Variants in UGT1A7 observed in about 807,000 individuals in gnomAD.
The protein encoded by UGT1A7 is UDP-glucuronosyltransferase 1A7.
A neutral mutation model predicts 45.6 loss-of-function variants in UGT1A7; 33 were observed. The observed-to-expected ratio is 0.72, with a 90% CI of 0.55 to 0.97. UGT1A7 has a LOEUF of 0.97. Ranked by LOEUF, UGT1A7 falls within the 50% of genes least tolerant of loss-of-function variation. The pLI, the probability that UGT1A7 is intolerant of heterozygous loss-of-function variation, is 0.00. For synonymous variants in UGT1A7, 274 were observed against 250.6 expected, an observed-to-expected ratio of 1.09 and a Z score of -0.88; for missense variants, 684 against 666.2, an observed-to-expected ratio of 1.03 and a Z score of -0.29.
intron 1 of UGT1A7, chr2:233,752,671 G>C (rs764603463): frequency 6.6e-6 from 1 of 152,170 alleles, no homozygotes; most frequent in Non-Finnish European, 1.5e-5. Flanking sequence ...AGGATCACTT[G>C]AGCCCAGAAA....
chr2:233,757,560 A>ATATATATATATATATATATATGTG (rs904896556), intron 1 of UGT1A7, among the ~76,000 whole-genome samples: 3 of 123,154 alleles, frequency 2.4e-5, no homozygotes, highest in Admixed American at 7.8e-5. Context: ...ATATATATAT[A>ATATATATATATATATATATATGTG]TGTATATATG....
chr2:233,685,101 T>C (rs1008547396), intron 1 of UGT1A7, among the ~76,000 whole-genome samples: 4 of 152,178 alleles, frequency 2.6e-5, no homozygotes, highest in Non-Finnish European at 5.9e-5. Flanking sequence ...TATAACAAAA[T>C]CTTATTGAGT....
Position 233,747,399 on chromosome 2 carries a change from C to A in UGT1A7, c.856-19635C>A, listed in dbSNP as rs554943916. Reference sequence around the variant, plus strand: ...AGGCCACCAGGCGGTGGTCCTCACCCCAGAGGTGAATATGCACATCAAACA... The same window carrying A: ...AGGCCACCAGGCGGTGGTCCTCACCACAGAGGTGAATATGCACATCAAACA... On this transcript the variant is annotated intron_variant, in intron 1 of 4. Transcript: ENST00000373426. 2.5e-6 allele frequency: 4 copies of A among 1,606,666 alleles called. No individual in the cohort carries two copies. The East Asian group carries it at 8.9e-5, about 36-fold the overall frequency.
chr2:233,710,734 T>C (rs1299004850), intron 1 of UGT1A7, among the ~76,000 whole-genome samples: 1 of 152,216 alleles, frequency 6.6e-6, no homozygotes, highest in Non-Finnish European at 1.5e-5. Flanking sequence ...AACAACGTCT[T>C]TCAAGGAGCA....
At position 233,721,294 on chromosome 2, in the gene UGT1A7, T is replaced by C. The variant is rs555243942; in HGVS notation, c.855+38502T>C. On this transcript the variant is annotated intron_variant, in intron 1 of 4. Coordinates refer to ENST00000373426, the MANE Select transcript of UGT1A7 (RefSeq NM_019077.3). ...AAAAATGTGGAAAATTAGGAAGGCATTTGAATAGTGATTGTGGCTCTTTTC... is the reference window on the plus strand; with the variant it reads ...AAAAATGTGGAAAATTAGGAAGGCACTTGAATAGTGATTGTGGCTCTTTTC... Among the ~76,000 whole-genome samples, 3 of 152,308 alleles carry C rather than the reference T, an allele frequency of 2.0e-5. No homozygotes were observed. In the East Asian group the frequency reaches 5.8e-4, roughly 29 times the overall value.
intron 1 of UGT1A7, among the ~76,000 whole-genome samples, chr2:233,731,109 T>G (rs1417583719): frequency 6.6e-6 from 1 of 152,194 alleles, no homozygotes; most frequent in Non-Finnish European, 1.5e-5. Flanking sequence ...TTTTTATAAA[T>G]GTAGGTATTA....
At chr2:233,738,243 A>G (rs57963849) in intron 1 of UGT1A7, among the ~76,000 whole-genome samples, 4 of 152,190 alleles carry the variant, frequency 2.6e-5, no homozygotes, top group Non-Finnish European at 5.9e-5. Context: ...CTCCAGCCAC[A>G]TGGAACTGGA....
chr2:233,751,416 G>A (rs1308291640), intron 1 of UGT1A7, among the ~76,000 whole-genome samples: 3 of 152,160 alleles, frequency 2.0e-5, no homozygotes, highest in African/African-American at 4.8e-5. Flanking sequence ...GGACTTTTGA[G>A]CTAGTGCTGA....
At chr2:233,717,751 C>T (rs1175015057) in intron 1 of UGT1A7, 3 of 456,586 alleles carry the variant, frequency 6.6e-6, no homozygotes, top group East Asian at 1.4e-4. Context: ...GGGTCTCCCC[C>T]TAGAAAGGCA....
intron 1 of UGT1A7, chr2:233,747,201 G>A: frequency 3.7e-6 from 6 of 1,604,878 alleles, no homozygotes; most frequent in Non-Finnish European, 4.3e-6. Flanking sequence ...AGCTGTCCGT[G>A]TCTTCTGCTG....
chr2:233,729,846 G>T, intron 1 of UGT1A7: 1 of 1,613,888 alleles, frequency 6.2e-7, no homozygotes, highest in Admixed American at 1.7e-5. Context: ...AGCTTTTTCA[G>T]AGAGAGGTGT....
chr2:233,713,138 G>C (rs753871977), intron 1 of UGT1A7: 1 of 1,614,080 alleles, frequency 6.2e-7, no homozygotes, highest in African/African-American at 1.3e-5. Flanking sequence ...AGGCCTTGCG[G>C]GACCTCCATG....
intron 1 of UGT1A7, chr2:233,718,839 G>C: frequency 1.2e-6 from 2 of 1,613,658 alleles, no homozygotes; most frequent in Non-Finnish European, 1.7e-6. Context: ...AGGACTCCAG[G>C]TTCCCCTGCC....
At chr2:233,765,745 A>T in intron 1 of UGT1A7, among the ~76,000 whole-genome samples, 1 of 151,724 alleles carries the variant, frequency 6.6e-6, no homozygotes, top group East Asian at 1.9e-4. Flanking sequence ...AAACCCATAA[A>T]GCCATTTGAG....
chr2:233,729,130 G>A, intron 1 of UGT1A7: 3 of 1,613,182 alleles, frequency 1.9e-6, no homozygotes, highest in Non-Finnish European at 2.5e-6. Context: ...TGCTGAGATG[G>A]CCACAGGACT....
In UGT1A7 at chr2:233,682,845, A is replaced by G. The variant is rs2074603483; in HGVS notation, c.855+53A>G. On this transcript the variant is annotated intron_variant, in intron 1 of 4. Coordinates refer to ENST00000373426, the MANE Select transcript of UGT1A7 (RefSeq NM_019077.3). The stretch of plus-strand genomic sequence containing the variant: ...AGAATAATCTGGCTTTGGAAATTAA[A>G]AGATTTCTTACAGAATCATAATTTA... 4 of 1,543,776 alleles carry G rather than the reference A, an allele frequency of 2.6e-6. No homozygotes were observed. The South Asian group carries it at 3.8e-5, about 15-fold the overall frequency.
chr2:233,723,296 G>A (rs2077075568), intron 1 of UGT1A7, among the ~76,000 whole-genome samples: 1 of 113,420 alleles, frequency 8.8e-6, no homozygotes. Flanking sequence ...TGCAACCTCT[G>A]CCTCCCAGGT....
intron 4 of UGT1A7, 105 bp downstream of exon 4, chr2:233,768,544 T>TA: frequency 7.0e-7 from 1 of 1,425,890 alleles, no homozygotes; most frequent in East Asian, 2.6e-5. Flanking sequence ...GTTTCAAATA[T>TA]AAAAACAAAT....
intron 1 of UGT1A7, chr2:233,753,518 C>T (rs1032528502): frequency 5.9e-5 from 9 of 152,196 alleles, no homozygotes; most frequent in Non-Finnish European, 1.0e-4. Flanking sequence ...AGTTGTTGCC[C>T]TTTTGCTCTC....
Sources: gnomAD v4.1 joint callset for allele counts (sites outside exome capture counted in the v4.1 genomes callset) on GRCh38, gnomAD v4.1.1 for gene constraint, MANE v1.5 for transcripts, NCBI Gene and HGNC (gene_info 2026-07-23, HGNC 2026-07-21) for gene names.